AOPEP: variants seen among roughly 807,000 people sequenced by gnomAD.
AOPEP encodes aminopeptidase O (putative).
Under a neutral mutation model 98.1 loss-of-function variants are expected in AOPEP, and 77 were observed. The ratio of observed to expected loss-of-function variants is 0.78; its 90% CI spans 0.65 to 0.95. The LOEUF is 0.95. AOPEP is among the 40% of genes least tolerant of loss of function. The probability of loss-of-function intolerance (pLI) is 0.00; values close to 1 mark genes in which losing one functional copy is unlikely to be tolerated. For missense variants in AOPEP, 1,024 were observed against 1,024.7 expected (o/e 1.00, Z 0.01); for synonymous variants, 346 against 365.3 (o/e 0.95, Z 0.60).
At chr9:94,788,488 C>CT (rs1234437669) in intron 3 of AOPEP, among the ~76,000 whole-genome samples, 41 of 148,962 alleles carry the variant, frequency 2.8e-4, no homozygotes, top group African/African-American at 9.9e-4. Flanking sequence ...TTGTCTTATG[C>CT]TTTGTTTTTT....
chr9:94,764,755 G>A (rs1316380106), intron 2 of AOPEP, among the ~76,000 whole-genome samples: 2 of 152,188 alleles, frequency 1.3e-5, no homozygotes, highest in Non-Finnish European at 2.9e-5. Context: ...AAATGTATCA[G>A]TATTGGTTCA....
intron 7 of AOPEP, among the ~76,000 whole-genome samples, chr9:94,953,373 CT>C (rs1430372502): frequency 6.6e-6 from 1 of 152,178 alleles, no homozygotes; most frequent in African/African-American, 2.4e-5. Flanking sequence ...TCATCATCAT[CT>C]TTCCTTTAGG....
intron 5 of AOPEP, among the ~76,000 whole-genome samples, chr9:94,851,290 C>T (rs756494105): frequency 1.4e-4 from 22 of 152,074 alleles, no homozygotes; most frequent in Non-Finnish European, 3.1e-4. Context: ...GTCCCACGCC[C>T]GTTACCTCCA....
At chr9:94,940,171 T>G (rs908967765) in intron 7 of AOPEP, among the ~76,000 whole-genome samples, 5 of 152,244 alleles carry the variant, frequency 3.3e-5, no homozygotes, top group Admixed American at 6.5e-5. Context: ...TCCCCTTAGC[T>G]GTAAAACAGG....
the AOPEP span, chr9:95,145,429 A>G: frequency 6.6e-6 from 1 of 152,220 alleles, no homozygotes; most frequent in Non-Finnish European, 1.5e-5. Flanking sequence ...GCGGACAGAC[A>G]GCCTTAACAT....
At chr9:95,052,379 A>G (rs1251114772) in intron 13 of AOPEP, among the ~76,000 whole-genome samples, 1 of 152,204 alleles carries the variant, frequency 6.6e-6, no homozygotes, top group Admixed American at 6.5e-5. Context: ...TTTAAACTCA[A>G]AAGGAGAGGA....
chr9:94,908,438 G>C (rs911221508), intron 5 of AOPEP, among the ~76,000 whole-genome samples: 1 of 152,150 alleles, frequency 6.6e-6, no homozygotes, highest in Admixed American at 6.6e-5. Flanking sequence ...AATCAATTCT[G>C]AACACTGACT....
intron 13 of AOPEP, among the ~76,000 whole-genome samples, chr9:95,029,476 T>C (rs933686338): frequency 1.3e-5 from 2 of 152,112 alleles, no homozygotes; most frequent in Non-Finnish European, 1.5e-5. Flanking sequence ...CTGTTTCTTT[T>C]TTGTGTGCTG....
At chr9:94,963,715 G>C (rs1057298123) in intron 9 of AOPEP, among the ~76,000 whole-genome samples, 1 of 152,076 alleles carries the variant, frequency 6.6e-6, no homozygotes, top group African/African-American at 2.4e-5. Context: ...AATTTTTCTA[G>C]AATCAGCTAT....
intron 5 of AOPEP, among the ~76,000 whole-genome samples, chr9:94,886,583 G>T (rs1277220806): frequency 6.6e-6 from 1 of 152,006 alleles, no homozygotes; most frequent in African/African-American, 2.4e-5. Context: ...TAGTTTCTGA[G>T]TTAGCATTAA....
chr9:94,884,101 C>T (rs1369879847), intron 5 of AOPEP, among the ~76,000 whole-genome samples: 1 of 152,236 alleles, frequency 6.6e-6, no homozygotes, highest in Non-Finnish European at 1.5e-5. Context: ...GACCTGCCCT[C>T]TGGGTGTCTG....
At chr9:94,748,342 A>G (rs1834979356) in intron 1 of AOPEP, among the ~76,000 whole-genome samples, 1 of 152,148 alleles carries the variant, frequency 6.6e-6, no homozygotes, top group Non-Finnish European at 1.5e-5. Flanking sequence ...GTGCCTAGGT[A>G]TGTTTTCCTT....
intron 9 of AOPEP, among the ~76,000 whole-genome samples, chr9:94,964,886 G>T (rs1250797662): frequency 6.6e-6 from 1 of 151,880 alleles, no homozygotes; most frequent in African/African-American, 2.4e-5. Context: ...TGATCTGCCC[G>T]CCTTGGCCTC....
At chr9:95,085,886 C>T (rs2070610429) in intron 16 of AOPEP, 2 of 1,198,926 alleles carry the variant, frequency 1.7e-6, no homozygotes, top group African/African-American at 1.6e-5. Context: ...TTCGGAGGAG[C>T]TCCTGTTGTT....
At chr9:95,060,555 C>T (rs1332125901) in intron 13 of AOPEP, 139 bp from the exon 14 acceptor site, 5 of 682,280 alleles carry the variant, frequency 7.3e-6, no homozygotes, top group African/African-American at 3.5e-5. Context: ...AAAAGTCAGC[C>T]GAACAGTCTT....
At chr9:94,986,905 C>T (rs2060556731) in intron 11 of AOPEP, among the ~76,000 whole-genome samples, 1 of 152,190 alleles carries the variant, frequency 6.6e-6, no homozygotes, top group Non-Finnish European at 1.5e-5. Flanking sequence ...AAGTGAATAA[C>T]AAGAATTAAA....
chr9:95,133,800 G>A, the AOPEP span, among the ~76,000 whole-genome samples: 10 of 152,200 alleles, frequency 6.6e-5, no homozygotes, highest in African/African-American at 2.4e-4. Context: ...GCACATGTAA[G>A]TTAGTAATAG....
At chr9:95,136,491 T>A in the AOPEP span, among the ~76,000 whole-genome samples, 11 of 144,392 alleles carry the variant, frequency 7.6e-5, no homozygotes, top group South Asian at 8.8e-4. Context: ...AAGATTCCTT[T>A]AAAAAAAAAA....
chr9:95,028,657 G>C (rs2064040160), intron 13 of AOPEP, among the ~76,000 whole-genome samples: 1 of 152,156 alleles, frequency 6.6e-6, no homozygotes, highest in Admixed American at 6.5e-5. Flanking sequence ...TGTGATGTTT[G>C]AGTGACCACC....
Sources: allele counts gnomAD v4.1 joint callset (sites outside exome capture counted in the v4.1 genomes callset), GRCh38; gene constraint gnomAD v4.1.1; transcripts MANE v1.5; gene names NCBI Gene and HGNC (gene_info 2026-07-23, HGNC 2026-07-21).